The following KDM4C variants were observed in gnomAD, a reference collection of about 807,000 sequenced individuals.
KDM4C encodes the protein lysine-specific demethylase 4C.
In KDM4C, 81 loss-of-function variants were observed where a neutral mutation model predicts 129.3. The observed-to-expected ratio is 0.63, with a 90% CI of 0.52 to 0.75. The LOEUF (loss-of-function observed/expected upper bound fraction) is 0.75, where lower values mean the gene tolerates loss of function less well. Ranked by LOEUF, KDM4C falls within the 30% of genes least tolerant of loss-of-function variation. The probability of loss-of-function intolerance (pLI) is 0.00; values close to 1 mark genes in which losing one functional copy is unlikely to be tolerated. For synonymous variants in KDM4C, 573 were observed against 456.1 expected, an observed-to-expected ratio of 1.26 and a Z score of -3.26; for missense variants, 1,457 against 1,304.0, an observed-to-expected ratio of 1.12 and a Z score of -1.81.
At chr9:6,907,929 C>A (rs1392751127) in intron 8 of KDM4C, among the ~76,000 whole-genome samples, 1 of 152,100 alleles carries the variant, frequency 6.6e-6, no homozygotes, top group Non-Finnish European at 1.5e-5. Flanking sequence ...ATTAAATTTT[C>A]TACTCAAAGA....
At chr9:6,830,440 G>T (rs1209021558) in intron 4 of KDM4C, among the ~76,000 whole-genome samples, 1 of 151,862 alleles carries the variant, frequency 6.6e-6, no homozygotes, top group Non-Finnish European at 1.5e-5. Flanking sequence ...GTGGGCTTTT[G>T]GGGGGTCACT....
Position 6,984,286 on chromosome 9 carries a change from C to G in KDM4C, c.1236C>G (p.Val412=), listed in dbSNP as rs1817296910. The G allele has an allele frequency of 6.2e-7, 1 of 1,613,786 alleles. No individual in the cohort carries two copies. The change falls in exon 10 of 22, where the codon GTC becomes GTG. Residue 412 remains valine (V), a synonymous_variant. Transcript: ENST00000381309. ...ACTCAGTCACAGATGACCTCAAGGT[C>G]AGTGAAAAGTCAGAAGCAGCAGTGA... ...NPDSVTDDLK[V]SEKSEAAVKL...
At chr9:6,748,876 AG>A (rs775010963) in intron 1 of KDM4C, 1 of 997,290 alleles carries the variant, frequency 1.0e-6, no homozygotes, top group South Asian at 1.3e-5. Flanking sequence ...ACTTGCTCAT[AG>A]AGCCACACCT....
intron 12 of KDM4C, among the ~76,000 whole-genome samples, chr9:7,007,771 C>G (rs955816362): frequency 2.0e-5 from 3 of 151,960 alleles, no homozygotes; most frequent in Non-Finnish European, 4.4e-5. Context: ...TATTTACTTA[C>G]TGGAAATCAC....
intron 8 of KDM4C, among the ~76,000 whole-genome samples, chr9:6,900,266 T>C (rs139168508): frequency 6.6e-6 from 1 of 152,324 alleles, no homozygotes; most frequent in Non-Finnish European, 1.5e-5. Flanking sequence ...CCGGCTTAGA[T>C]GTAGGTTTGC....
chr9:6,760,273 G>A (rs1279175468), intron 1 of KDM4C, among the ~76,000 whole-genome samples: 1 of 151,914 alleles, frequency 6.6e-6, no homozygotes, highest in Non-Finnish European at 1.5e-5. Context: ...CCATGTTGCA[G>A]CCTGTATCAG....
intron 12 of KDM4C, among the ~76,000 whole-genome samples, chr9:7,002,666 G>C (rs1276136982): frequency 6.6e-6 from 1 of 152,150 alleles, no homozygotes; most frequent in African/African-American, 2.4e-5. Flanking sequence ...AGAATTGACT[G>C]AGCTGGTTTC....
chr9:6,741,995 C>T (rs748563845), intron 1 of KDM4C, among the ~76,000 whole-genome samples: 22 of 150,460 alleles, frequency 1.5e-4, no homozygotes, highest in Non-Finnish European at 2.1e-4. Context: ...TTTTTGGAGA[C>T]GGAGTCTTGC....
chr9:6,841,260 C>G (rs745819748), intron 4 of KDM4C, among the ~76,000 whole-genome samples: 61 of 151,920 alleles, frequency 4.0e-4, no homozygotes, highest in Non-Finnish European at 1.3e-4. Context: ...CACTGAAACT[C>G]AGGAGAAAGA....
intron 1 of KDM4C, among the ~76,000 whole-genome samples, chr9:6,786,854 ATCACTG>A (rs1325420646): frequency 3.3e-5 from 5 of 152,322 alleles, no homozygotes; most frequent in Non-Finnish European, 7.3e-5. Context: ...TTCAAAAATG[ATCACTG>A]TCACTAAGAA....
chr9:6,851,104 CAA>C (rs1020759353), intron 5 of KDM4C, among the ~76,000 whole-genome samples: 3 of 152,286 alleles, frequency 2.0e-5, no homozygotes, highest in South Asian at 4.2e-4. Flanking sequence ...GCTCCAGTGA[CAA>C]GAGAATGTGA....
chr9:6,897,797 C>T (rs113636152), intron 8 of KDM4C, among the ~76,000 whole-genome samples: 1 of 152,184 alleles, frequency 6.6e-6, no homozygotes, highest in Non-Finnish European at 1.5e-5. Flanking sequence ...TTTTAGGAAT[C>T]TTTGTAGCTT....
intron 8 of KDM4C, among the ~76,000 whole-genome samples, chr9:6,959,083 C>T (rs1448187303): frequency 2.6e-5 from 4 of 152,218 alleles, no homozygotes; most frequent in Non-Finnish European, 1.5e-5. Flanking sequence ...CCCAAGTTTT[C>T]TCTTCCTTTT....
chr9:6,758,290 CG>C lies in KDM4C; in HGVS notation c.-18+92del. 2 of 782,894 alleles carry C rather than the reference CG, an allele frequency of 2.6e-6. No individual in the cohort carries two copies. Among genetic ancestry groups the C allele is most frequent in the Non-Finnish European group, 3.1e-6 (2 of 645,508 alleles). The allele number at this position is 782,894 out of a possible 1,614,324, so 48.5% of individuals were successfully genotyped here. A position where few individuals can be genotyped will look rare whatever the true frequency, so the allele number is the denominator to read the frequency against. On this transcript the variant is annotated intron_variant, in intron 1 of 21. Coordinates refer to ENST00000381309, the MANE Select transcript of KDM4C (RefSeq NM_015061.6). This position sits in a 1 kb window ranked among gnomAD's most constrained non-coding sequence, Gnocchi z 4.6. The stretch of plus-strand genomic sequence containing the variant: ...GCACTGCCCCCCTCCGCGTGGGGCA[CG>C]GGGGTGCGGGCGTCCGGGCGAGCGG...
chr9:6,908,938 T>C (rs1177415501), intron 8 of KDM4C, among the ~76,000 whole-genome samples: 2 of 152,192 alleles, frequency 1.3e-5, no homozygotes, highest in Non-Finnish European at 2.9e-5. Flanking sequence ...AACATTTTTC[T>C]TTCTACGAGG....
intron 13 of KDM4C, among the ~76,000 whole-genome samples, chr9:7,012,217 C>T (rs1015242778): frequency 6.6e-6 from 1 of 152,132 alleles, no homozygotes; most frequent in Non-Finnish European, 1.5e-5. Flanking sequence ...TAGGTGTGAG[C>T]CACCATACCT....
intron 15 of KDM4C, among the ~76,000 whole-genome samples, chr9:7,025,358 A>T (rs139493742): frequency 3.3e-5 from 5 of 152,186 alleles, no homozygotes; most frequent in Non-Finnish European, 7.4e-5. Context: ...GTGCGTTTCC[A>T]TTGTTATTAA....
chr9:6,979,437 A>T (rs1272037692), intron 8 of KDM4C, among the ~76,000 whole-genome samples: 1 of 152,166 alleles, frequency 6.6e-6, no homozygotes. Context: ...TAAATGAAGC[A>T]TAAGGGGCAT....
intron 4 of KDM4C, chr9:6,835,323 A>T: frequency 1.1e-6 from 1 of 944,690 alleles, no homozygotes; most frequent in South Asian, 1.3e-5. Context: ...ACATCCACAA[A>T]GACCTTTACG....
Sources: allele counts gnomAD v4.1 joint callset (sites outside exome capture counted in the v4.1 genomes callset), GRCh38; gene constraint gnomAD v4.1.1; non-coding constraint Gnocchi (gnomAD v3.1); transcripts MANE v1.5; gene names NCBI Gene and HGNC (gene_info 2026-07-23, HGNC 2026-07-21).